CYB5B: variants seen among roughly 807,000 people sequenced by gnomAD.
CYB5B encodes the protein cytochrome b5 type B (outer mitochondrial membrane).
CYB5B carries 14 observed loss-of-function variants against 21.3 expected under a neutral mutation model. That is an observed-to-expected ratio of 0.66 (90% CI 0.43 to 1.03). CYB5B has a LOEUF of 1.03. Among genes scored for constraint, CYB5B ranks in the 50% least tolerant of loss-of-function variants. CYB5B has a pLI of 0.00. For missense variants in CYB5B, 166 were observed against 185.1 expected (o/e 0.90, Z 0.60); for synonymous variants, 69 against 68.4 (o/e 1.01, Z -0.04).
intron 1 of CYB5B, among the ~76,000 whole-genome samples, chr16:69,425,935 T>A (rs573830744): frequency 6.6e-6 from 1 of 152,330 alleles, no homozygotes; most frequent in South Asian, 2.1e-4. Flanking sequence ...ATTTGGGGCC[T>A]AAAAGAGAAA....
At chr16:69,425,188 G>A (rs1008988799) in intron 1 of CYB5B, among the ~76,000 whole-genome samples, 10 of 152,170 alleles carry the variant, frequency 6.6e-5, no homozygotes, top group African/African-American at 9.7e-5. Context: ...GACTCTCAGG[G>A]CCATAGAGTT....
At chr16:69,438,860 C>G (rs2014790650) in intron 1 of CYB5B, among the ~76,000 whole-genome samples, 1 of 152,064 alleles carries the variant, frequency 6.6e-6, no homozygotes. Context: ...GATATTAATT[C>G]TTGATCAGAT....
At chr16:69,425,093 C>G (rs2014629503) in intron 1 of CYB5B, among the ~76,000 whole-genome samples, 1 of 152,104 alleles carries the variant, frequency 6.6e-6, no homozygotes, top group African/African-American at 2.4e-5. Flanking sequence ...ACTTATGTGT[C>G]GAGCATTTGC....
At chr16:69,460,811 CAAT>C (rs1408510616) in intron 4 of CYB5B, among the ~76,000 whole-genome samples, 2 of 151,986 alleles carry the variant, frequency 1.3e-5, no homozygotes. Context: ...TACTACAAAA[CAAT>C]AAAAATAAAG....
intron 1 of CYB5B, among the ~76,000 whole-genome samples, chr16:69,432,301 T>C (rs967839029): frequency 3.3e-5 from 5 of 152,206 alleles, no homozygotes; most frequent in East Asian, 1.9e-4. Flanking sequence ...GAAAGTGATA[T>C]GTGAGTACTC....
chr16:69,462,419 C>T lies in CYB5B; in HGVS notation c.363-11C>T. On this transcript the variant is annotated splice_polypyrimidine_tract_variant and intron_variant, in intron 4 of 4. Coordinates refer to ENST00000307892, the MANE Select transcript of CYB5B (RefSeq NM_030579.3). ...ATTAACAACTTTATTGCTTTCTCCCCCTATTCCTAGTTGCTGGGCATATTG... is the reference window on the plus strand; with the variant it reads ...ATTAACAACTTTATTGCTTTCTCCCTCTATTCCTAGTTGCTGGGCATATTG... The T allele has an allele frequency of 1.9e-6, 3 of 1,603,248 alleles. No individual in the cohort carries two copies. The highest frequency in any genetic ancestry group is 1.7e-6 in the Non-Finnish European group (2 of 1,170,214).
At chr16:69,441,434 G>A (rs976584791) in intron 1 of CYB5B, among the ~76,000 whole-genome samples, 3 of 152,208 alleles carry the variant, frequency 2.0e-5, no homozygotes, top group Admixed American at 6.5e-5. Context: ...GATTATAGGC[G>A]TGAGCCACCA....
At chr16:69,450,506 T>C (rs2014921963) in intron 3 of CYB5B, among the ~76,000 whole-genome samples, 1 of 152,190 alleles carries the variant, frequency 6.6e-6, no homozygotes, top group African/African-American at 2.4e-5. Flanking sequence ...AAGAAAGGCC[T>C]TTTGGAACAT....
intron 1 of CYB5B, among the ~76,000 whole-genome samples, chr16:69,434,023 G>C (rs1184933395): frequency 6.6e-6 from 1 of 152,112 alleles, no homozygotes. Flanking sequence ...AATCTTATGG[G>C]ACCACCATCA....
At position 69,440,502 on chromosome 16, in the gene CYB5B, C is replaced by T. The variant is rs140681695; in HGVS notation, c.175-6648C>T. ...ACCATAACAGCATAGATTCATTTTGCCTGTGTTTGAACTTTTTATAAATGG... is the reference window on the plus strand; with the variant it reads ...ACCATAACAGCATAGATTCATTTTGTCTGTGTTTGAACTTTTTATAAATGG... On this transcript the variant is annotated intron_variant, in intron 1 of 4. Coordinates refer to ENST00000307892, the MANE Select transcript of CYB5B (RefSeq NM_030579.3). 4.6e-3 allele frequency among the ~76,000 whole-genome samples: 693 copies of T among 152,220 alleles called. 3 individuals are homozygous for T. Among genetic ancestry groups the T allele is most frequent in the African/African-American group, 0.014 (591 of 41,536 alleles).
chr16:69,432,522 T>C (rs1411272959), intron 1 of CYB5B, among the ~76,000 whole-genome samples: 1 of 152,236 alleles, frequency 6.6e-6, no homozygotes. Flanking sequence ...CATATACTTA[T>C]ATGTGCAAAC....
chr16:69,446,145 A>G (rs1443398434), intron 1 of CYB5B, among the ~76,000 whole-genome samples: 1 of 152,062 alleles, frequency 6.6e-6, no homozygotes, highest in Non-Finnish European at 1.5e-5. Context: ...AAAGTGTTTT[A>G]TATGCTTATC....
intron 1 of CYB5B, among the ~76,000 whole-genome samples, chr16:69,442,254 T>C (rs1167720131): frequency 6.6e-6 from 1 of 152,184 alleles, no homozygotes; most frequent in Non-Finnish European, 1.5e-5. Context: ...AAAATAATAA[T>C]GCTTTTTCAA....
chr16:69,437,516 CTTGTT>C (rs1394360003), intron 1 of CYB5B, among the ~76,000 whole-genome samples: 1 of 152,072 alleles, frequency 6.6e-6, no homozygotes, highest in South Asian at 2.1e-4. Context: ...ACACTTCTAT[CTTGTT>C]TTGTTAGGAT....
At chr16:69,458,407 A>T (rs1050503173) in intron 3 of CYB5B, among the ~76,000 whole-genome samples, 3 of 152,194 alleles carry the variant, frequency 2.0e-5, no homozygotes, top group African/African-American at 7.2e-5. Flanking sequence ...TATAATATGT[A>T]GTCTTTTGTG....
chr16:69,436,401 C>T (rs1378679150), intron 1 of CYB5B, among the ~76,000 whole-genome samples: 1 of 152,206 alleles, frequency 6.6e-6, no homozygotes, highest in Non-Finnish European at 1.5e-5. Context: ...GATCTGCAGA[C>T]CTGAACTTCA....
At chr16:69,437,491 C>A (rs1238897491) in intron 1 of CYB5B, among the ~76,000 whole-genome samples, 1 of 152,142 alleles carries the variant, frequency 6.6e-6, no homozygotes, top group Non-Finnish European at 1.5e-5. Context: ...GACTACTGAG[C>A]ATAACCCCCC....
At chr16:69,442,985 A>G (rs1178365802) in intron 1 of CYB5B, among the ~76,000 whole-genome samples, 1 of 149,566 alleles carries the variant, frequency 6.7e-6, no homozygotes, top group Non-Finnish European at 1.5e-5. Context: ...GCTTCACTGT[A>G]TTGCCCAGGC....
Position 69,462,662 on chromosome 16 carries a change from A to T in CYB5B, c.*142A>T. The T allele has an allele frequency of 1.5e-6, 1 of 671,992 alleles. No individual in the cohort carries two copies. Among genetic ancestry groups the T allele is most frequent in the Admixed American group, 2.3e-5 (1 of 43,872 alleles). The allele number at this position is 671,992 out of a possible 1,614,324, so 41.6% of individuals were successfully genotyped here. A position where few individuals can be genotyped will look rare whatever the true frequency, so the allele number is the denominator to read the frequency against. Reference sequence around the variant, plus strand: ...GAGCCAAGACGATTGGCCAGACATCACCTCAGATCTGAGACCAGCGTCTTC... The same window carrying T: ...GAGCCAAGACGATTGGCCAGACATCTCCTCAGATCTGAGACCAGCGTCTTC... On this transcript the variant is annotated 3_prime_UTR_variant, in exon 5 of 5. Coordinates refer to ENST00000307892, the MANE Select transcript of CYB5B (RefSeq NM_030579.3).
Sources: allele counts gnomAD v4.1 joint callset (sites outside exome capture counted in the v4.1 genomes callset), GRCh38; gene constraint gnomAD v4.1.1; transcripts MANE v1.5; gene names NCBI Gene and HGNC (gene_info 2026-07-23, HGNC 2026-07-21).